CEP162: variants seen among roughly 807,000 people sequenced by gnomAD.
The protein encoded by CEP162 is centrosomal protein of 162 kDa.
A neutral mutation model predicts 169.2 loss-of-function variants in CEP162; 141 were observed. The observed-to-expected ratio is 0.83, with a 90% CI of 0.73 to 0.96. CEP162 has a LOEUF of 0.96. Among genes scored for constraint, CEP162 ranks in the 40% least tolerant of loss-of-function variants. CEP162 has a pLI of 0.00. For synonymous variants in CEP162, 540 were observed against 526.4 expected (o/e 1.03, Z -0.35); for missense variants, 1,600 against 1,587.2 (o/e 1.01, Z -0.14).
At chr6:84,226,898 T>C (rs905147016) in intron 1 of CEP162, among the ~76,000 whole-genome samples, 2 of 152,150 alleles carry the variant, frequency 1.3e-5, no homozygotes, top group African/African-American at 2.4e-5. Flanking sequence ...TAGTAATAGT[T>C]TCGTAAAGCA....
At chr6:84,138,705 T>C (rs2099515197) in intron 25 of CEP162, among the ~76,000 whole-genome samples, 1 of 152,230 alleles carries the variant, frequency 6.6e-6, no homozygotes, top group Non-Finnish European at 1.5e-5. Flanking sequence ...TACCATTGTA[T>C]TGCTAAATTA....
At chr6:84,201,416 G>A (rs1350390152) in intron 8 of CEP162, among the ~76,000 whole-genome samples, 1 of 152,192 alleles carries the variant, frequency 6.6e-6, no homozygotes, top group African/African-American at 2.4e-5. Context: ...GTGTGTGTGT[G>A]TGTATGTATA....
chr6:84,163,097 G>T, intron 19 of CEP162, 47 bp downstream of exon 19: 1 of 1,575,934 alleles, frequency 6.3e-7, no homozygotes, highest in African/African-American at 1.4e-5. Context: ...TTCAACATTA[G>T]AACAGTTATG....
chr6:84,222,967 T>G (rs540642040), intron 2 of CEP162, among the ~76,000 whole-genome samples: 72 of 152,344 alleles, frequency 4.7e-4, no homozygotes, highest in African/African-American at 1.7e-3. Context: ...GCTGCATCAC[T>G]TTTTACTTAC....
intron 5 of CEP162, among the ~76,000 whole-genome samples, chr6:84,213,952 C>T (rs1225749715): frequency 2.0e-5 from 3 of 152,138 alleles, no homozygotes; most frequent in Non-Finnish European, 4.4e-5. Flanking sequence ...TCCGACCAAA[C>T]AAAGAGCAGG....
In CEP162 at chr6:84,165,086, T is replaced by C. The variant is rs9350993; in HGVS notation, c.2386-1816A>G. Among the ~76,000 whole-genome samples, 329 of 151,750 alleles carry C rather than the reference T, an allele frequency of 2.2e-3. 14 individuals carry two copies. The East Asian group carries it at 0.05, about 23-fold the overall frequency. On this transcript the variant is annotated intron_variant, in intron 18 of 26. Transcript: ENST00000403245. Reference sequence around the variant, plus strand: ...TCTGCACTGTCTCTTCTGCTTGCAGTGCTTTGGGACCCAGATAGCCAGGCA... The same window carrying C: ...TCTGCACTGTCTCTTCTGCTTGCAGCGCTTTGGGACCCAGATAGCCAGGCA...
At chr6:84,141,253 A>AT (rs71806895) in intron 25 of CEP162, among the ~76,000 whole-genome samples, 33 of 150,672 alleles carry the variant, frequency 2.2e-4, no homozygotes, top group South Asian at 8.5e-4. Context: ...TCAAAAAATG[A>AT]TTTTTTTTTT....
rs57981787 is a variant in CEP162 at position 84,133,148 on chromosome 6, T to C, written c.3871-6636A>G. On this transcript the variant is annotated intron_variant, in intron 25 of 26. Transcript: ENST00000403245. ...CCACTCCAGACACTGTTTGCCTGGG[T>C]ATCACCAGCAGAGGCTGCAGAACAG... Among the ~76,000 whole-genome samples the C allele has an allele frequency of 3.0e-3, 457 of 152,284 alleles. 2 individuals carry two copies. Among genetic ancestry groups the C allele is most frequent in the African/African-American group, 0.01 (417 of 41,542 alleles).
chr6:84,129,007 C>A (rs2099510123), intron 25 of CEP162, among the ~76,000 whole-genome samples: 1 of 152,142 alleles, frequency 6.6e-6, no homozygotes, highest in South Asian at 2.1e-4. Context: ...CATGTTCCTG[C>A]AAAGGACATG....
intron 1 of CEP162, 49 bp from the exon 2 acceptor site, chr6:84,226,501 T>A: frequency 1.2e-6 from 1 of 809,576 alleles, no homozygotes; most frequent in Non-Finnish European, 2.0e-6. Flanking sequence ...CATCAGATCA[T>A]GAACACGACC....
At chr6:84,199,558 CAAAA>C (rs11356971) in intron 9 of CEP162, among the ~76,000 whole-genome samples, 12 of 134,200 alleles carry the variant, frequency 8.9e-5, no homozygotes, top group Admixed American at 2.2e-4. Flanking sequence ...AAGTAAAAAG[CAAAA>C]AAAAAAAAAA....
At chr6:84,193,567 T>C (rs1034647839) in intron 11 of CEP162, 42 bp downstream of exon 11, 4 of 1,240,204 alleles carry the variant, frequency 3.2e-6, no homozygotes, top group Middle Eastern at 4.0e-4. Flanking sequence ...CAAATGACTA[T>C]AAAAGTTTCC....
At chr6:84,208,019 A>ATTTTTTT (rs375738078) in intron 6 of CEP162, among the ~76,000 whole-genome samples, 4 of 132,900 alleles carry the variant, frequency 3.0e-5, no homozygotes, top group African/African-American at 1.1e-4. Flanking sequence ...AGGTTGATTG[A>ATTTTTTT]TTTTTTTTTT....
At chr6:84,146,819 G>A in intron 24 of CEP162, 34 bp from the exon 25 acceptor site, 1 of 1,124,190 alleles carries the variant, frequency 8.9e-7, no homozygotes, top group Non-Finnish European at 1.3e-6. Flanking sequence ...AGTTAATAAA[G>A]CTCCTCCTTG....
chr6:84,217,527 T>C lies in CEP162; in HGVS notation c.173-1605A>G, dbSNP rs981180126. 3.9e-5 allele frequency among the ~76,000 whole-genome samples: 6 copies of C among 152,144 alleles called. No individual in the cohort carries two copies. In the South Asian group the frequency reaches 1.2e-3, roughly 31 times the overall value. On this transcript the variant is annotated intron_variant, in intron 3 of 26. Transcript: ENST00000403245. ...TGTGTGAATAGAAAGGAGGCCAGTG[T>C]AGTGATACGGGCATAAGCAAGAGAA... is the stretch of plus-strand genomic sequence containing the variant.
chr6:84,187,045 T>A (rs888221731), intron 11 of CEP162, among the ~76,000 whole-genome samples: 1 of 152,100 alleles, frequency 6.6e-6, no homozygotes, highest in African/African-American at 2.4e-5. Flanking sequence ...TAGAAGAAAC[T>A]AAAGAAATAA....
In CEP162 at chr6:84,224,890, G is replaced by T. The variant is rs112596552; in HGVS notation, c.57+1447C>A. Among the ~76,000 whole-genome samples the T allele has an allele frequency of 6.6e-3, 1,005 of 152,302 alleles. 8 individuals are homozygous for T. Among genetic ancestry groups the T allele is most frequent in the African/African-American group, 0.023 (956 of 41,574 alleles). ...TTCCTATAAATTTAATTTTCAAAAT[G>T]TGTCTGTATTTGAAATTTTAAAAAA... On this transcript the variant is annotated intron_variant, in intron 2 of 26. Transcript: ENST00000403245.
At chr6:84,184,031 C>T (rs1352148248) in intron 13 of CEP162, among the ~76,000 whole-genome samples, 1 of 152,088 alleles carries the variant, frequency 6.6e-6, no homozygotes, top group Non-Finnish European at 1.5e-5. Flanking sequence ...CATCTAACCA[C>T]CTGCCAGCAT....
At chr6:84,205,912 C>T (rs537538478) in intron 6 of CEP162, among the ~76,000 whole-genome samples, 3 of 148,846 alleles carry the variant, frequency 2.0e-5, no homozygotes, top group Admixed American at 1.3e-4. Flanking sequence ...CACAAACATT[C>T]CTATACACCA....
Sources: allele counts gnomAD v4.1 joint callset (sites outside exome capture counted in the v4.1 genomes callset), GRCh38; gene constraint gnomAD v4.1.1; transcripts MANE v1.5; gene names NCBI Gene and HGNC (gene_info 2026-07-23, HGNC 2026-07-21).